Variants in HIP1 observed in about 807,000 individuals in gnomAD.
The protein encoded by HIP1 is huntingtin-interacting protein 1.
In HIP1, 65 loss-of-function variants were observed where a neutral mutation model predicts 147.6. The ratio of observed to expected loss-of-function variants is 0.44; its 90% CI spans 0.36 to 0.54. HIP1 has a LOEUF of 0.54. HIP1 is among the 20% of genes least tolerant of loss of function. The pLI, the probability that HIP1 is intolerant of heterozygous loss-of-function variation, is 0.00. For missense variants in HIP1, 1,061 were observed against 1,299.6 expected (o/e 0.82, Z 2.82); for synonymous variants, 479 against 504.0 (o/e 0.95, Z 0.67).
At chr7:75,590,316 A>C (rs1384408941) in intron 4 of HIP1, among the ~76,000 whole-genome samples, 1 of 152,336 alleles carries the variant, frequency 6.6e-6, no homozygotes, top group East Asian at 1.9e-4. Flanking sequence ...AAAGATACGA[A>C]AGGTAGACCT....
At chr7:75,713,016 A>T (rs1250303784) in intron 1 of HIP1, among the ~76,000 whole-genome samples, 1 of 152,114 alleles carries the variant, frequency 6.6e-6, no homozygotes, top group African/African-American at 2.4e-5. Flanking sequence ...TCATTCACTC[A>T]CTCAACACAT....
intron 22 of HIP1, among the ~76,000 whole-genome samples, chr7:75,552,207 A>G (rs1250658279): frequency 6.6e-6 from 1 of 151,888 alleles, no homozygotes; most frequent in African/African-American, 2.4e-5. Flanking sequence ...TTGTATCTTA[A>G]CCAATATATT....
Position 75,536,117 on chromosome 7 carries a change from G to A in HIP1, c.*2055C>T, listed in dbSNP as rs1371698489. On this transcript the variant is annotated 3_prime_UTR_variant, in exon 31 of 31. Coordinates refer to ENST00000336926, the MANE Select transcript of HIP1 (RefSeq NM_005338.7). The stretch of plus-strand genomic sequence containing the variant: ...ACCCGCATCAAGAACACACCGATTG[G>A]TTTAGTTGCCACAACTGGGACAGGG... 5.1e-6 allele frequency: 1 copy of A among 194,866 alleles called. No homozygotes were observed. Among genetic ancestry groups the A allele is most frequent in the Admixed American group, 6.1e-5 (1 of 16,378 alleles). The allele number at this position is 194,866 out of a possible 1,614,324, so 12.1% of individuals were successfully genotyped here.
At chr7:75,551,186 A>C in intron 22 of HIP1, among the ~76,000 whole-genome samples, 1 of 58,794 alleles carries the variant, frequency 1.7e-5, no homozygotes, top group South Asian at 5.7e-4. Flanking sequence ...GATGTAGATG[A>C]TAATTTTTTT....
chr7:75,557,987 C>A lies in HIP1; in HGVS notation c.1464+180G>T, dbSNP rs587755434. On this transcript the variant is annotated intron_variant, in intron 15 of 30. Transcript: ENST00000336926. ...TGGGTGACCTACATGGGATTGGCAC[C>A]CAGGACACAGCCCAAGACACAGAGG... Among the ~76,000 whole-genome samples, 3 of 152,270 alleles carry A rather than the reference C, an allele frequency of 2.0e-5. No homozygotes were observed. In the South Asian group the frequency reaches 6.2e-4, roughly 32 times the overall value.
chr7:75,705,915 G>A (rs1015281021), intron 1 of HIP1, among the ~76,000 whole-genome samples: 3 of 151,526 alleles, frequency 2.0e-5, no homozygotes, highest in South Asian at 2.1e-4. Context: ...TTTTTGAGAC[G>A]GAATCTTCCT....
At chr7:75,673,944 C>T (rs2525469) in intron 1 of HIP1, among the ~76,000 whole-genome samples, 85,823 of 151,728 alleles carry the variant, frequency 0.57, 24,772 homozygotes, top group African/African-American at 0.66. Flanking sequence ...CATGCTTGTA[C>T]CACTGCACTC....
chr7:75,663,010 T>C (rs1335328417), intron 1 of HIP1, among the ~76,000 whole-genome samples: 1 of 152,188 alleles, frequency 6.6e-6, no homozygotes, highest in Non-Finnish European at 1.5e-5. Flanking sequence ...TTTTTCTACA[T>C]GAACTGCTGC....
intron 1 of HIP1, among the ~76,000 whole-genome samples, chr7:75,624,740 G>A (rs1378116249): frequency 6.6e-6 from 1 of 151,958 alleles, no homozygotes; most frequent in African/African-American, 2.4e-5. Flanking sequence ...TCCCAAATAC[G>A]TCCTGTCTAA....
chr7:75,545,317 T>C, intron 25 of HIP1, 129 bp from the exon 26 acceptor site: 4 of 663,346 alleles, frequency 6.0e-6, no homozygotes, highest in Non-Finnish European at 1.0e-5. Context: ...GTATTCCCAT[T>C]TTACAAAAAA....
At chr7:75,639,240 AGGAAG>A in intron 1 of HIP1, 1 of 910,012 alleles carries the variant, frequency 1.1e-6, no homozygotes, top group Non-Finnish European at 1.3e-6. Context: ...GACCGGAGAA[AGGAAG>A]GGGAGGGGGA....
chr7:75,567,590 C>A (rs1210367002), intron 9 of HIP1, among the ~76,000 whole-genome samples: 3 of 151,222 alleles, frequency 2.0e-5, no homozygotes, highest in Admixed American at 2.0e-4. Flanking sequence ...ATCACAAGGT[C>A]AAGAGATCGA....
intron 22 of HIP1, among the ~76,000 whole-genome samples, chr7:75,551,832 G>C (rs1422726485): frequency 9.9e-5 from 15 of 151,976 alleles, no homozygotes; most frequent in Admixed American, 9.2e-4. Context: ...GGCTGGATGT[G>C]GTCTTTTTAT....
At chr7:75,680,760 C>A (rs1370736416) in intron 1 of HIP1, among the ~76,000 whole-genome samples, 1 of 151,914 alleles carries the variant, frequency 6.6e-6, no homozygotes, top group African/African-American at 2.4e-5. Context: ...CAGGCATGTG[C>A]CACCACGCCC....
chr7:75,613,849 C>T (rs587713826), intron 1 of HIP1, among the ~76,000 whole-genome samples: 1 of 152,262 alleles, frequency 6.6e-6, no homozygotes, highest in Admixed American at 6.5e-5. Context: ...CTCAGCCTCC[C>T]AGGCAGCTGA....
chr7:75,541,992 G>T lies in HIP1; in HGVS notation c.2891-12C>A. The stretch of plus-strand genomic sequence containing the variant: ...GAAGTCCATGTTGTCTGCAAGGATG[G>T]AAACAAGAAGGTCTCATCAAATTCT... On this transcript the variant is annotated splice_polypyrimidine_tract_variant and intron_variant, in intron 28 of 30. Coordinates refer to ENST00000336926, the MANE Select transcript of HIP1 (RefSeq NM_005338.7). 1.2e-6 allele frequency: 2 copies of T among 1,611,974 alleles called. No homozygotes were observed.
Position 75,537,686 on chromosome 7 carries a change from C to G in HIP1, c.*486G>C. 4.1e-6 allele frequency: 1 copy of G among 244,718 alleles called. No homozygotes were observed. The highest frequency in any genetic ancestry group is 5.2e-5 in the Admixed American group (1 of 19,362). The allele number at this position is 244,718 out of a possible 1,614,324, so 15.2% of individuals were successfully genotyped here. ...GGTAGTGTCCTGGTTTGGAATCCATCAGCCCTCTGATGCTCACAAGTTTGT... is the reference window on the plus strand; with the variant it reads ...GGTAGTGTCCTGGTTTGGAATCCATGAGCCCTCTGATGCTCACAAGTTTGT... On this transcript the variant is annotated 3_prime_UTR_variant, in exon 31 of 31. Transcript: ENST00000336926.
intron 22 of HIP1, among the ~76,000 whole-genome samples, chr7:75,549,433 C>CA (rs1554491725): frequency 6.8e-6 from 1 of 146,804 alleles, no homozygotes; most frequent in African/African-American, 2.5e-5. Context: ...TACAGTGGCA[C>CA]AATCTCGGCT....
At chr7:75,681,168 C>T (rs1800052362) in intron 1 of HIP1, among the ~76,000 whole-genome samples, 1 of 152,156 alleles carries the variant, frequency 6.6e-6, no homozygotes, top group Non-Finnish European at 1.5e-5. Flanking sequence ...CCGCCTCGGC[C>T]TTTCAAAGTG....
Sources: allele counts gnomAD v4.1 joint callset (sites outside exome capture counted in the v4.1 genomes callset), GRCh38; gene constraint gnomAD v4.1.1; transcripts MANE v1.5; gene names NCBI Gene and HGNC (gene_info 2026-07-23, HGNC 2026-07-21).